The following POTEG variants were observed in gnomAD, a reference collection of about 807,000 sequenced individuals.
POTEG encodes ANKRD26-like family C member 2.
A neutral mutation model predicts 49.6 loss-of-function variants in POTEG; 2 were observed. The ratio of observed to expected loss-of-function variants is 0.04; its 90% confidence interval spans 0.02 to 0.13. The LOEUF is 0.13. Among genes scored for constraint, POTEG ranks in the 10% least tolerant of loss-of-function variants. The probability of loss-of-function intolerance (pLI) is 1.00; values close to 1 mark genes in which losing one functional copy is unlikely to be tolerated. For missense variants in POTEG, 26 were observed against 545.2 expected (o/e 0.05, Z 9.48); for synonymous variants, 7 against 186.6 (o/e 0.04, Z 7.84).
chr14:19,416,801 ATT>A (rs1198072386), intron 6 of POTEG, among the ~76,000 whole-genome samples: 170 of 7,048 alleles, frequency 0.024, no homozygotes, highest in Middle Eastern at 0.056. Flanking sequence ...ATTTATTTTA[ATT>A]TTTTTTTTTT....
At chr14:19,433,514 G>C (rs1300253657) in intron 1 of POTEG, among the ~76,000 whole-genome samples, 22 of 101,234 alleles carry the variant, frequency 2.2e-4, no homozygotes, top group African/African-American at 7.5e-4. Context: ...ACAATGTTGC[G>C]AGTTAAATCA....
chr14:19,414,733 A>G (rs1178784924), intron 7 of POTEG, 127 bp from the exon 8 acceptor site: 2 of 1,160,338 alleles, frequency 1.7e-6, no homozygotes, highest in African/African-American at 3.2e-5. Context: ...AAATTAGAAA[A>G]TAATTAAAAT....
chr14:19,427,625 T>C (rs1884008690), intron 3 of POTEG, among the ~76,000 whole-genome samples: 1 of 152,306 alleles, frequency 6.6e-6, no homozygotes, highest in South Asian at 2.1e-4. Context: ...CAACTCAAAA[T>C]CCAACTTGAT....
At position 19,429,090 on chromosome 14, in the gene POTEG, T is replaced by G. The variant is rs1306080867; in HGVS notation, c.522-101A>C. 1.1e-5 allele frequency: 4 copies of G among 359,028 alleles called. No individual in the cohort carries two copies. The African/African-American group carries it at 2.7e-4, about 24-fold the overall frequency. 22.2% of individuals were successfully genotyped at this position (359,028 alleles called of 1,614,324 possible). A position where few individuals can be genotyped will look rare whatever the true frequency, so the allele number is the denominator to read the frequency against. On this transcript the variant is annotated intron_variant, in intron 1 of 10. Transcript: ENST00000547848. ...AACACTGAATAGCCTGCTATTACTGTGCCTTCAAAACAAACATTTAACTTT... is the reference window on the plus strand; with the variant it reads ...AACACTGAATAGCCTGCTATTACTGGGCCTTCAAAACAAACATTTAACTTT...
chr14:19,415,883 T>C (rs1404001313), intron 7 of POTEG, among the ~76,000 whole-genome samples: 2 of 124,396 alleles, frequency 1.6e-5, no homozygotes, highest in East Asian at 5.4e-4. Flanking sequence ...TCTTGCTCTG[T>C]CACCCAGGCT....
In POTEG at chr14:19,416,232, A is replaced by C. The variant is rs1883563339; in HGVS notation, c.1197+56T>G. The C allele has an allele frequency of 5.1e-6, 8 of 1,581,684 alleles. No homozygotes were observed. In the African/African-American group the frequency reaches 6.9e-5, roughly 14 times the overall value. Reference sequence around the variant, plus strand: ...GACTATCTAATATTATTAAAGCAAAAAAAAAAAAACAAAAAAAACGTTAAA... The same window carrying C: ...GACTATCTAATATTATTAAAGCAAACAAAAAAAAACAAAAAAAACGTTAAA... On this transcript the variant is annotated intron_variant, in intron 7 of 10. Transcript: ENST00000547848.
chr14:19,415,743 A>T (rs1883531071), intron 7 of POTEG, among the ~76,000 whole-genome samples: 1 of 152,200 alleles, frequency 6.6e-6, no homozygotes, highest in South Asian at 2.1e-4. Flanking sequence ...TTGAAGTTAA[A>T]TATCAAATAT....
At chr14:19,415,817 G>A (rs1490457727) in intron 7 of POTEG, among the ~76,000 whole-genome samples, 1 of 145,862 alleles carries the variant, frequency 6.9e-6, no homozygotes, top group African/African-American at 2.5e-5. Flanking sequence ...TAAATTTTAA[G>A]AATCTATTAA....
chr14:19,409,770 A>ATCCCCTT, intron 9 of POTEG, among the ~76,000 whole-genome samples: 2 of 94,420 alleles, frequency 2.1e-5, no homozygotes, highest in Non-Finnish European at 5.1e-5. Flanking sequence ...TTTAAGTAAA[A>ATCCCCTT]AACTGAAGTA....
chr14:19,426,752 G>A, intron 3 of POTEG: 2 of 436,092 alleles, frequency 4.6e-6, no homozygotes, highest in Non-Finnish European at 9.1e-6. Context: ...TAGCACTTTG[G>A]GAGGCTGAGG....
intron 3 of POTEG, among the ~76,000 whole-genome samples, chr14:19,426,543 G>T (rs1278455646): frequency 5.3e-5 from 8 of 152,268 alleles, no homozygotes; most frequent in African/African-American, 1.7e-4. Flanking sequence ...ATCCTGAGAG[G>T]GCCATCCTCT....
At chr14:19,432,658 C>T (rs1884210190) in intron 1 of POTEG, among the ~76,000 whole-genome samples, 1 of 73,666 alleles carries the variant, frequency 1.4e-5, no homozygotes, top group African/African-American at 5.9e-5. Flanking sequence ...AAAACGTCAC[C>T]ATTATCAAGC....
chr14:19,414,682 TA>T, intron 7 of POTEG, 76 bp from the exon 8 acceptor site: 2 of 1,454,716 alleles, frequency 1.4e-6, no homozygotes, highest in Non-Finnish European at 1.8e-6. Context: ...CACATGTTTT[TA>T]AAATAATTTT....
At chr14:19,414,386 G>A (rs548493176) in intron 8 of POTEG, among the ~76,000 whole-genome samples, 176 bp downstream of exon 8, 4 of 145,874 alleles carry the variant, frequency 2.7e-5, no homozygotes, top group African/African-American at 9.9e-5. Flanking sequence ...ATATCTCTAG[G>A]GTTTGCATCT....
intron 1 of POTEG, among the ~76,000 whole-genome samples, chr14:19,432,362 TTTTGTATATATATATATATATA>T (rs1289822795): frequency 0.014 from 448 of 31,170 alleles, 13 homozygotes; most frequent in Non-Finnish European, 0.023. Flanking sequence ...AAAAAAGAAA[TTTTGTATATATATATATATATA>T]TATATATATA....
intron 3 of POTEG, among the ~76,000 whole-genome samples, chr14:19,426,550 C>A (rs377582428): frequency 0.044 from 6,108 of 140,036 alleles, no homozygotes; most frequent in African/African-American, 0.087. Flanking sequence ...GAGGGCCATC[C>A]TCTACTTATT....
At chr14:19,425,537 T>C in intron 4 of POTEG, 69 bp downstream of exon 4, 2 of 621,548 alleles carry the variant, frequency 3.2e-6, no homozygotes, top group Non-Finnish European at 4.7e-6. Context: ...ACATTAATCT[T>C]ATTTAATATT....
intron 1 of POTEG, among the ~76,000 whole-genome samples, chr14:19,432,437 TATATATATACATATATATATAC>T (rs1884192892): frequency 9.8e-6 from 1 of 102,136 alleles, no homozygotes; most frequent in Middle Eastern, 4.4e-3. Flanking sequence ...TATACGTATA[TATATATATACATATATATATAC>T]ATATATACAT....
At chr14:19,427,193 T>C (rs2139174917) in intron 3 of POTEG, among the ~76,000 whole-genome samples, 1 of 152,426 alleles carries the variant, frequency 6.6e-6, no homozygotes, top group Admixed American at 6.5e-5. Flanking sequence ...ATTGTTGCTG[T>C]CGTTGTTAGA....
Sources: gnomAD v4.1 joint callset for allele counts (sites outside exome capture counted in the v4.1 genomes callset) on GRCh38, gnomAD v4.1.1 for gene constraint, MANE v1.5 for transcripts, NCBI Gene and HGNC (gene_info 2026-07-23, HGNC 2026-07-21) for gene names.